Variants in ADAM22 observed in about 807,000 individuals in gnomAD.
ADAM22 encodes ADAM metallopeptidase domain 22, also known as disintegrin and metalloproteinase domain-containing protein 22.
A neutral mutation model predicts 144.6 loss-of-function variants in ADAM22; 65 were observed. The observed-to-expected ratio is 0.45, with a 90% CI of 0.37 to 0.55. The LOEUF (loss-of-function observed/expected upper bound fraction) is 0.55. Ranked by LOEUF, ADAM22 falls within the 20% of genes least tolerant of loss-of-function variation. ADAM22 has a pLI of 0.00. For synonymous variants in ADAM22, 391 were observed against 412.6 expected, an observed-to-expected ratio of 0.95 and a Z score of 0.63; for missense variants, 974 against 1,184.9, an observed-to-expected ratio of 0.82 and a Z score of 2.61.
intron 26 of ADAM22, among the ~76,000 whole-genome samples, chr7:88,173,713 G>T (rs1427648114): frequency 6.6e-6 from 1 of 152,042 alleles, no homozygotes; most frequent in Non-Finnish European, 1.5e-5. Context: ...TTTTCTTTGA[G>T]GTTCCATGGT....
At chr7:88,042,039 T>C (rs1803259587) in intron 3 of ADAM22, among the ~76,000 whole-genome samples, 1 of 152,102 alleles carries the variant, frequency 6.6e-6, no homozygotes, top group African/African-American at 2.4e-5. Flanking sequence ...TCTCTGCTGG[T>C]ATTGCTAAAA....
intron 28 of ADAM22, 121 bp downstream of exon 28, chr7:88,181,726 A>T (rs1408365765): frequency 4.5e-6 from 4 of 895,750 alleles, no homozygotes; most frequent in Non-Finnish European, 6.8e-6. Flanking sequence ...CAGAGAGGAG[A>T]ATATGTAGAA....
intron 3 of ADAM22, among the ~76,000 whole-genome samples, chr7:87,992,482 T>TTCATAC (rs1790142454): frequency 6.6e-6 from 1 of 152,190 alleles, no homozygotes; most frequent in African/African-American, 2.4e-5. Flanking sequence ...AAAGATAACT[T>TTCATAC]TGATAGCAGT....
Position 88,151,259 on chromosome 7 carries a change from A to T in ADAM22, c.1620A>T (p.Gly540=). The T allele has an allele frequency of 6.2e-7, 1 of 1,614,132 alleles. No homozygotes were observed. Among genetic ancestry groups the T allele is most frequent in the Admixed American group, 1.7e-5 (1 of 59,996 alleles). The change falls in exon 20 of 32, where the codon GGA becomes GGT. Residue 540 remains glycine, a splice_region_variant and synonymous_variant. Coordinates refer to ENST00000413139, the MANE Select transcript of ADAM22 (RefSeq NM_001324418.2). ...GGGTATTTGCTTTTCCGTTTTAGGG[A>T]ATTTGCTTTGGAGGAAGATGCAAAA... The part of the protein sequence containing the change: ...MDGYSCDGVQ[G]ICFGGRCKTR...
At chr7:88,172,528 G>T (rs922805445) in intron 26 of ADAM22, among the ~76,000 whole-genome samples, 1 of 151,858 alleles carries the variant, frequency 6.6e-6, no homozygotes, top group African/African-American at 2.4e-5. Flanking sequence ...GTGGTAATTT[G>T]TCATGCTCCA....
chr7:88,065,475 A>G (rs1019432721), intron 3 of ADAM22, among the ~76,000 whole-genome samples: 16 of 152,078 alleles, frequency 1.1e-4, no homozygotes, highest in African/African-American at 3.9e-4. Context: ...TATTATAGAC[A>G]TTTTAAGGTG....
chr7:88,134,258 C>CG, intron 12 of ADAM22, 71 bp from the exon 13 acceptor site: 1 of 1,189,972 alleles, frequency 8.4e-7, no homozygotes. Context: ...GATATTGTGA[C>CG]ATTTTTCTCT....
intron 2 of ADAM22, among the ~76,000 whole-genome samples, chr7:87,967,246 A>AT (rs957893753): frequency 6.6e-6 from 1 of 152,106 alleles, no homozygotes; most frequent in African/African-American, 2.4e-5. Flanking sequence ...CAAGTTATAA[A>AT]TTTTTTCATG....
chr7:88,001,344 G>A (rs1414956647), intron 3 of ADAM22, among the ~76,000 whole-genome samples: 1 of 152,002 alleles, frequency 6.6e-6, no homozygotes, highest in Non-Finnish European at 1.5e-5. Flanking sequence ...TGATAGTTTT[G>A]TGCATGGAAC....
chr7:88,007,919 A>G (rs1024886327), intron 3 of ADAM22, among the ~76,000 whole-genome samples: 4 of 152,200 alleles, frequency 2.6e-5, no homozygotes, highest in Non-Finnish European at 5.9e-5. Flanking sequence ...TAAACTAAAG[A>G]GCTTCTGCAC....
intron 3 of ADAM22, among the ~76,000 whole-genome samples, chr7:88,015,978 T>C (rs929164868): frequency 6.6e-6 from 1 of 152,112 alleles, no homozygotes; most frequent in Admixed American, 6.6e-5. Context: ...AATGTATATA[T>C]GAATGACTGA....
At chr7:88,055,554 A>T (rs973538256) in intron 3 of ADAM22, among the ~76,000 whole-genome samples, 5 of 152,120 alleles carry the variant, frequency 3.3e-5, no homozygotes, top group African/African-American at 1.2e-4. Context: ...ATCTCTATTC[A>T]CATTGATCTG....
intron 30 of ADAM22, among the ~76,000 whole-genome samples, chr7:88,191,264 C>T (rs1849565724): frequency 1.3e-5 from 2 of 152,194 alleles, no homozygotes; most frequent in South Asian, 2.1e-4. Context: ...TGGCTTTGTC[C>T]ATGTATCAGG....
chr7:88,194,834 C>T (rs1246082326), intron 31 of ADAM22, among the ~76,000 whole-genome samples: 1 of 152,184 alleles, frequency 6.6e-6, no homozygotes, highest in Admixed American at 6.5e-5. Context: ...CTCCTCTCCA[C>T]CACCAGTGTC....
intron 3 of ADAM22, among the ~76,000 whole-genome samples, chr7:87,991,825 C>A (rs1789973641): frequency 6.6e-6 from 1 of 152,102 alleles, no homozygotes; most frequent in South Asian, 2.1e-4. Flanking sequence ...GGTAGTTAAC[C>A]ATAGTAAGTT....
intron 3 of ADAM22, among the ~76,000 whole-genome samples, chr7:88,032,277 T>C (rs1332372021): frequency 2.6e-5 from 4 of 152,230 alleles, no homozygotes; most frequent in Non-Finnish European, 1.5e-5. Context: ...GGGGTGGAGC[T>C]GCTCAGGGAC....
intron 4 of ADAM22, among the ~76,000 whole-genome samples, chr7:88,099,279 C>T (rs898340315): frequency 2.6e-5 from 4 of 152,192 alleles, no homozygotes; most frequent in African/African-American, 9.6e-5. Context: ...AGACAGGAAA[C>T]TCCTGGGTCA....
chr7:88,035,166 A>G (rs1240055269), intron 3 of ADAM22, among the ~76,000 whole-genome samples: 2 of 152,102 alleles, frequency 1.3e-5, no homozygotes, highest in South Asian at 4.2e-4. Context: ...TTCTCCTAAT[A>G]TGGTTTTTCT....
intron 2 of ADAM22, among the ~76,000 whole-genome samples, chr7:87,971,716 G>A (rs1249052042): frequency 2.6e-5 from 4 of 152,092 alleles, no homozygotes; most frequent in Non-Finnish European, 5.9e-5. Context: ...GAAATTCTTG[G>A]TATTATACTG....
Sources: allele counts gnomAD v4.1 joint callset (sites outside exome capture counted in the v4.1 genomes callset), GRCh38; gene constraint gnomAD v4.1.1; transcripts MANE v1.5; gene names NCBI Gene and HGNC (gene_info 2026-07-23, HGNC 2026-07-21).